Variants in VEGFA observed in about 807,000 individuals in gnomAD.
VEGFA encodes the protein vascular endothelial growth factor A.
VEGFA carries 20 observed loss-of-function variants against 49.7 expected under a neutral mutation model. That is an observed-to-expected ratio of 0.40 (90% CI 0.28 to 0.58). VEGFA has a LOEUF of 0.58. VEGFA is among the 20% of genes least tolerant of loss of function. VEGFA has a pLI of 0.40. For missense variants in VEGFA, 505 were observed against 553.5 expected (o/e 0.91, Z 0.88); for synonymous variants, 219 against 223.4 (o/e 0.98, Z 0.18).
At position 43,784,515 on chromosome 6, in the gene VEGFA, CA is replaced by C. The variant is rs745505326; in HGVS notation, c.1167-25del. On this transcript the variant is annotated intron_variant, in intron 7 of 7. Transcript: ENST00000672860. Reference sequence around the variant, plus strand: ...AGGCCTCCTCACTTGGCCCTAACCCCAGCCTTTGTTTTCCATTTCCCTCAGA... The same window carrying C: ...AGGCCTCCTCACTTGGCCCTAACCCCGCCTTTGTTTTCCATTTCCCTCAGA... The C allele has an allele frequency of 2.0e-5, 32 of 1,613,818 alleles. No homozygotes were observed. In the South Asian group the frequency reaches 3.4e-4, roughly 17 times the overall value.
At position 43,771,060 on chromosome 6, in the gene VEGFA, A is replaced by C; in HGVS notation, c.354A>C (p.Ser118=). The C allele has an allele frequency of 1.3e-6, 2 of 1,514,572 alleles. No homozygotes were observed. The highest frequency in any genetic ancestry group is 2.6e-5 in the East Asian group (1 of 38,164). 93.8% of individuals were successfully genotyped at this position (1,514,572 alleles called of 1,614,324 possible). A position where few individuals can be genotyped will look rare whatever the true frequency, so the allele number is the denominator to read the frequency against. The change falls in exon 1 of 8, where the codon TCA becomes TCC. Residue 118 remains serine (S), a synonymous_variant. Coordinates refer to ENST00000672860, the MANE Select transcript of VEGFA (RefSeq NM_003376.6). The stretch of plus-strand genomic sequence containing the variant: ...GACTCGGCGCTCGGAAGCCGGGCTC[A>C]TGGACGGGTGAGGCGGCGGTGTGCG...
intron 3 of VEGFA, 78 bp from the exon 4 acceptor site, chr6:43,778,382 C>A: frequency 7.8e-7 from 1 of 1,283,204 alleles, no homozygotes; most frequent in Non-Finnish European, 1.1e-6. Flanking sequence ...TGCTGAGTGG[C>A]AGGAGCCCCA....
At chr6:43,778,177 G>C in intron 3 of VEGFA, 1 of 546,504 alleles carries the variant, frequency 1.8e-6, no homozygotes, top group Non-Finnish European at 3.3e-6. Context: ...GGAGGGGATG[G>C]GGAGTGGTAA....
At position 43,770,853 on chromosome 6, in the gene VEGFA, C is replaced by T. The variant is rs886498035; in HGVS notation, c.147C>T (p.Gly49=). 7.2e-6 allele frequency: 11 copies of T among 1,534,612 alleles called. No individual in the cohort carries two copies. The highest frequency in any genetic ancestry group is 9.6e-6 in the Non-Finnish European group (11 of 1,141,912). The change falls in exon 1 of 8, where the codon GGC becomes GGT. Residue 49 remains glycine (G), a synonymous_variant. Coordinates refer to ENST00000672860, the MANE Select transcript of VEGFA (RefSeq NM_003376.6). The stretch of plus-strand genomic sequence containing the variant: ...GGGTGGAGGGGGTCGGGGCTCGCGG[C>T]GTCGCACTGAAACTTTTCGTCCAAC...
In VEGFA at chr6:43,786,163, T is replaced by G. The variant is rs150363719; in HGVS notation, c.*1601T>G. The stretch of plus-strand genomic sequence containing the variant: ...TGTGTGTATATATATATATATATGT[T>G]TATGTATATATGTGATTCTGATAAA... On this transcript the variant is annotated 3_prime_UTR_variant, in exon 8 of 8. Coordinates refer to ENST00000672860, the MANE Select transcript of VEGFA (RefSeq NM_003376.6). 4.1e-3 allele frequency: 730 copies of G among 177,588 alleles called. 4 individuals are homozygous for G. Among genetic ancestry groups the G allele is most frequent in the African/African-American group, 0.016 (680 of 42,308 alleles). 11.0% of individuals were successfully genotyped at this position (177,588 alleles called of 1,614,324 possible).
Position 43,770,753 on chromosome 6 carries a change from T to A in VEGFA, c.47T>A (p.Leu16His). 1 of 1,504,668 alleles carries A rather than the reference T, an allele frequency of 6.6e-7. No homozygotes were observed. The highest frequency in any genetic ancestry group is 8.8e-7 in the Non-Finnish European group (1 of 1,136,114). 93.2% of individuals were successfully genotyped at this position (1,504,668 alleles called of 1,614,324 possible). A position where few individuals can be genotyped will look rare whatever the true frequency, so the allele number is the denominator to read the frequency against. Residue 16 changes from leucine (L) to histidine (H), a missense_variant, in exon 1 of 8, where the codon CTC (leucine) becomes CAC (histidine). Transcript: ENST00000672860. Reference sequence around the variant, plus strand: ...ACCGCCCCCAGCCCCAGCTACCACCTCCTCCCCGGCCGGCGGCGGACAGTG... The same window carrying A: ...ACCGCCCCCAGCCCCAGCTACCACCACCTCCCCGGCCGGCGGCGGACAGTG...
In VEGFA at chr6:43,770,899, G is replaced by A. The variant is rs1194395358; in HGVS notation, c.193G>A (p.Gly65Arg). 10 of 1,544,698 alleles carry A rather than the reference G, an allele frequency of 6.5e-6. No individual in the cohort carries two copies. In the Admixed American group the frequency reaches 1.8e-4, roughly 27 times the overall value. Residue 65 changes from glycine (G) to arginine (R), a missense_variant, in exon 1 of 8, where the codon GGA (glycine) becomes AGA (arginine). By Grantham distance (125) the Gly-to-Arg change is moderately radical. Coordinates refer to ENST00000672860, the MANE Select transcript of VEGFA (RefSeq NM_003376.6). ...CCAACTTCTGGGCTGTTCTCGCTTC[G>A]GAGGAGCCGTGGTCCGCGCGGGGGA...
intron 1 of VEGFA, among the ~76,000 whole-genome samples, chr6:43,772,575 G>A (rs995982117): frequency 3.3e-5 from 5 of 152,236 alleles, no homozygotes; most frequent in African/African-American, 1.2e-4. Context: ...ACCCTGGAAA[G>A]GAGCTCCTGC....
At chr6:43,781,289 C>T in intron 6 of VEGFA, 1 of 301,260 alleles carries the variant, frequency 3.3e-6, no homozygotes. Flanking sequence ...TGGGATCAGA[C>T]ACCATGTGGC....
At chr6:43,775,833 G>T in intron 2 of VEGFA, 1 of 152,368 alleles carries the variant, frequency 6.6e-6, no homozygotes. Flanking sequence ...GACCTCACAG[G>T]AAGCAGTGGA....
At chr6:43,780,577 C>G in intron 5 of VEGFA, 155 bp from the exon 6 acceptor site, 1 of 1,081,340 alleles carries the variant, frequency 9.2e-7, no homozygotes, top group Non-Finnish European at 1.4e-6. Context: ...CCGCGCATGC[C>G]TCCCCAGAGA....
In VEGFA at chr6:43,785,529, C is replaced by A; in HGVS notation, c.*967C>A. ...GAGACACATTGTTGGAAGAAGCAGC[C>A]CATGACAGCTCCCCTTCCTGGGACT... On this transcript the variant is annotated 3_prime_UTR_variant, in exon 8 of 8. Transcript: ENST00000672860. The A allele has an allele frequency of 4.7e-6, 1 of 214,850 alleles. No homozygotes were observed. 13.3% of individuals were successfully genotyped at this position (214,850 alleles called of 1,614,324 possible).
intron 5 of VEGFA, chr6:43,780,350 C>G: frequency 2.8e-6 from 1 of 357,650 alleles, no homozygotes; most frequent in Non-Finnish European, 5.4e-6. Context: ...CAGACTTGGA[C>G]AGGGCTGCTG....
intron 7 of VEGFA, chr6:43,784,019 C>T (rs1204689400): frequency 4.9e-6 from 1 of 202,162 alleles, no homozygotes; most frequent in Non-Finnish European, 1.0e-5. Context: ...CTCCTGTCCC[C>T]AGGGCAGGCC....
In VEGFA at chr6:43,770,789, C is replaced by A. The variant is rs201786558; in HGVS notation, c.83C>A (p.Ala28Glu). 6.8e-7 allele frequency: 1 copy of A among 1,473,750 alleles called. No homozygotes were observed. Among genetic ancestry groups the A allele is most frequent in the Non-Finnish European group, 8.9e-7 (1 of 1,117,532 alleles). The allele number at this position is 1,473,750 out of a possible 1,614,324, so 91.3% of individuals were successfully genotyped here. Residue 28 changes from alanine (A) to glutamate (E), a missense_variant, in exon 1 of 8, where the codon GCG (alanine) becomes GAG (glutamate). Around this residue, in one of 2 missense-constraint regions of VEGFA, gnomAD observed 340 missense variants for 321.8 expected, o/e 1.06. Transcript: ENST00000672860. ...CGGCGGCGGACAGTGGACGCGGCGG[C>A]GAGCCGCGGGCAGGGGCCGGAGCCC...
At position 43,777,705 on chromosome 6, in the gene VEGFA, A is replaced by C. The variant is rs1765894810; in HGVS notation, c.855+40A>C. The C allele has an allele frequency of 7.9e-5, 50 of 629,910 alleles. No homozygotes were observed. The highest frequency in any genetic ancestry group is 1.2e-4 in the Non-Finnish European group (43 of 351,150). 39.0% of individuals were successfully genotyped at this position (629,910 alleles called of 1,614,324 possible). A position where few individuals can be genotyped will look rare whatever the true frequency, so the allele number is the denominator to read the frequency against. ...GAAGTGGGGCAAGGGGGGGATAGGGAGGGGGGTAACACTTTGGGAACAGGT... is the reference window on the plus strand; with the variant it reads ...GAAGTGGGGCAAGGGGGGGATAGGGCGGGGGGTAACACTTTGGGAACAGGT... On this transcript the variant is annotated intron_variant, in intron 3 of 7. Coordinates refer to ENST00000672860, the MANE Select transcript of VEGFA (RefSeq NM_003376.6). The surrounding 1 kb of genome is among the most constrained non-coding windows in gnomAD (Gnocchi z 4.3).
At chr6:43,779,359 G>A (rs1766547465) in intron 5 of VEGFA, 1 of 352,844 alleles carries the variant, frequency 2.8e-6, no homozygotes, top group Non-Finnish European at 5.4e-6. Flanking sequence ...GCCGGCTGGA[G>A]GGTGGTTTCT....
At chr6:43,784,417 C>G in intron 7 of VEGFA, 124 bp from the exon 8 acceptor site, 1 of 930,012 alleles carries the variant, frequency 1.1e-6, no homozygotes, top group South Asian at 1.3e-5. Flanking sequence ...CCTGTCCTCT[C>G]TGCTCTTATG....
At chr6:43,775,692 C>T (rs1181514968) in intron 2 of VEGFA, 1 of 152,240 alleles carries the variant, frequency 6.6e-6, no homozygotes, top group African/African-American at 2.4e-5. Context: ...TCTCCCCTAT[C>T]GACTTGGCTT....
Sources: allele counts gnomAD v4.1 joint callset (sites outside exome capture counted in the v4.1 genomes callset), GRCh38; gene constraint gnomAD v4.1.1; regional missense constraint gnomAD v4.1.1; non-coding constraint Gnocchi (gnomAD v3.1); transcripts MANE v1.5; gene names NCBI Gene and HGNC (gene_info 2026-07-23, HGNC 2026-07-21).